Variants in BAALC observed in about 807,000 individuals in gnomAD.
The protein encoded by BAALC is BAALC binder of MAP3K1 and KLF4.
BAALC carries 9 observed loss-of-function variants against 15.5 expected under a neutral mutation model. The ratio of observed to expected loss-of-function variants is 0.58; its 90% confidence interval spans 0.35 to 1.02. The LOEUF (loss-of-function observed/expected upper bound fraction) is 1.02. Among genes scored for constraint, BAALC ranks in the 50% least tolerant of loss-of-function variants. The pLI, the probability that BAALC is intolerant of heterozygous loss-of-function variation, is 0.02. For missense variants in BAALC, 201 were observed against 192.4 expected (o/e 1.04, Z -0.27); for synonymous variants, 80 against 74.6 (o/e 1.07, Z -0.37).
intron 1 of BAALC, chr8:103,153,011 T>C (rs192488791): frequency 6.6e-6 from 1 of 152,380 alleles, no homozygotes; most frequent in East Asian, 1.9e-4. Flanking sequence ...GTGTATGATG[T>C]AGGTGTTCTG....
chr8:103,156,380 C>G (rs1159112538), intron 1 of BAALC, among the ~76,000 whole-genome samples: 2 of 152,130 alleles, frequency 1.3e-5, no homozygotes, highest in African/African-American at 4.8e-5. Context: ...AAATCATGCT[C>G]TTGAGTTGGG....
Position 103,229,926 on chromosome 8 carries a change from G to C in BAALC, c.*1827G>C, listed in dbSNP as rs1245703115. The C allele has an allele frequency of 6.6e-6, 1 of 152,160 alleles. No homozygotes were observed. The allele number at this position is 152,160 out of a possible 1,614,324, so 9.4% of individuals were successfully genotyped here. A position where few individuals can be genotyped will look rare whatever the true frequency, so the allele number is the denominator to read the frequency against. ...TCAGCAGGAGCCCCCAGCTGCCAAAGGTTGGCAGTGATCCTGCAAGTTCAA... is the reference window on the plus strand; with the variant it reads ...TCAGCAGGAGCCCCCAGCTGCCAAACGTTGGCAGTGATCCTGCAAGTTCAA... On this transcript the variant is annotated 3_prime_UTR_variant, in exon 3 of 3. Transcript: ENST00000309982.
intron 1 of BAALC, among the ~76,000 whole-genome samples, chr8:103,210,829 T>A (rs1402596721): frequency 6.6e-6 from 1 of 152,212 alleles, no homozygotes; most frequent in Non-Finnish European, 1.5e-5. Flanking sequence ...ATTTAGGGAA[T>A]ATTGCTGTCT....
intron 1 of BAALC, among the ~76,000 whole-genome samples, chr8:103,142,191 A>G (rs933408878): frequency 6.6e-6 from 1 of 152,276 alleles, no homozygotes; most frequent in African/African-American, 2.4e-5. Context: ...AAGGTTAAGA[A>G]TCTTAAATCC....
At chr8:103,196,577 G>T (rs750762944) in intron 1 of BAALC, among the ~76,000 whole-genome samples, 3 of 152,286 alleles carry the variant, frequency 2.0e-5, no homozygotes, top group Non-Finnish European at 4.4e-5. Context: ...CACCACACCT[G>T]GCCAGATTTT....
intron 1 of BAALC, chr8:103,197,985 T>G: frequency 1.8e-6 from 1 of 550,306 alleles, no homozygotes; most frequent in East Asian, 3.1e-5. Flanking sequence ...CTTTTAAACA[T>G]TGCTCAAGAA....
intron 1 of BAALC, chr8:103,172,087 T>C (rs1811508885): frequency 6.6e-6 from 1 of 152,242 alleles, no homozygotes; most frequent in Non-Finnish European, 1.5e-5. Flanking sequence ...TCCCCTAAAC[T>C]GTCTCTTTGG....
intron 1 of BAALC, among the ~76,000 whole-genome samples, chr8:103,145,060 G>A (rs932680219): frequency 4.6e-5 from 7 of 152,162 alleles, no homozygotes; most frequent in Admixed American, 4.6e-4. Flanking sequence ...CCTAAATACT[G>A]CCTTCCTGAT....
At chr8:103,192,720 G>T (rs1322212321) in intron 1 of BAALC, among the ~76,000 whole-genome samples, 1 of 152,198 alleles carries the variant, frequency 6.6e-6, no homozygotes, top group Non-Finnish European at 1.5e-5. Flanking sequence ...TCCCTTGGCT[G>T]GACTCCCTAC....
At chr8:103,176,468 GA>G (rs144959529) in intron 1 of BAALC, among the ~76,000 whole-genome samples, 19 of 147,200 alleles carry the variant, frequency 1.3e-4, no homozygotes, top group African/African-American at 3.2e-4. Context: ...AGTGCCATAA[GA>G]AAAAAAAAAG....
At position 103,156,230 on chromosome 8, in the gene BAALC, GC is replaced by G. The variant is rs368666461; in HGVS notation, c.160+15174del. On this transcript the variant is annotated intron_variant, in intron 1 of 2. Coordinates refer to ENST00000309982, the MANE Select transcript of BAALC (RefSeq NM_024812.3). ...AACATCTCTAAATAGCTCAGCACAT[GC>G]TGAACACTCAAATAATGTTTCTAGA... Among the ~76,000 whole-genome samples the G allele has an allele frequency of 1.1e-3, 172 of 152,314 alleles. 2 individuals carry two copies. The highest frequency in any genetic ancestry group is 4.1e-3 in the African/African-American group (171 of 41,560).
chr8:103,219,722 G>C (rs1812637092), intron 2 of BAALC, among the ~76,000 whole-genome samples: 1 of 152,150 alleles, frequency 6.6e-6, no homozygotes, highest in South Asian at 2.1e-4. Flanking sequence ...TCCCCTGACT[G>C]ACCTTGCATT....
chr8:103,193,990 A>G (rs1812034399), intron 1 of BAALC, among the ~76,000 whole-genome samples: 1 of 152,248 alleles, frequency 6.6e-6, no homozygotes, highest in South Asian at 2.1e-4. Context: ...AGATATGCCA[A>G]TGAAGAAAGA....
rs942946009 is a variant in BAALC at position 103,140,744 on chromosome 8, C to T, written c.-154C>T. On this transcript the variant is annotated 5_prime_UTR_variant, in exon 1 of 3. Transcript: ENST00000309982. This position sits in a 1 kb window ranked among gnomAD's most constrained non-coding sequence, Gnocchi z 4.2. ...GGGCCCGGACTAGGGGCGGCGGGCA[C>T]CGCAGGAGCTCCGCGCGGCTGCAGC... is the stretch of plus-strand genomic sequence containing the variant. 5.7e-6 allele frequency: 3 copies of T among 526,854 alleles called. No homozygotes were observed. The highest frequency in any genetic ancestry group is 2.1e-5 in the African/African-American group (1 of 48,674). The allele number at this position is 526,854 out of a possible 1,614,324, so 32.6% of individuals were successfully genotyped here. A position where few individuals can be genotyped will look rare whatever the true frequency, so the allele number is the denominator to read the frequency against.
At chr8:103,214,199 C>T (rs542028358) in intron 2 of BAALC, among the ~76,000 whole-genome samples, 2 of 152,298 alleles carry the variant, frequency 1.3e-5, no homozygotes, top group Non-Finnish European at 2.9e-5. Flanking sequence ...AAAAGGTCAC[C>T]TCTTGGGCAT....
chr8:103,207,878 T>G (rs1270588426), intron 1 of BAALC, among the ~76,000 whole-genome samples: 1 of 152,238 alleles, frequency 6.6e-6, no homozygotes, highest in East Asian at 1.9e-4. Context: ...CTAGAAAATA[T>G]GAGTTAAATA....
chr8:103,179,975 C>T (rs1811689338), intron 1 of BAALC, among the ~76,000 whole-genome samples: 1 of 152,114 alleles, frequency 6.6e-6, no homozygotes, highest in East Asian at 1.9e-4. Context: ...AGTTGTTGTT[C>T]CTGGCGCAGA....
intron 1 of BAALC, among the ~76,000 whole-genome samples, chr8:103,177,082 T>C (rs1450456280): frequency 6.6e-6 from 1 of 152,186 alleles, no homozygotes; most frequent in Non-Finnish European, 1.5e-5. Context: ...AAAGGGATAT[T>C]TCTCAAACTT....
At chr8:103,147,672 T>C (rs915422610) in intron 1 of BAALC, among the ~76,000 whole-genome samples, 1 of 152,136 alleles carries the variant, frequency 6.6e-6, no homozygotes, top group African/African-American at 2.4e-5. Context: ...CTTGTGAAGT[T>C]GGGTGTCTAA....
Sources: allele counts gnomAD v4.1 joint callset (sites outside exome capture counted in the v4.1 genomes callset), GRCh38; gene constraint gnomAD v4.1.1; non-coding constraint Gnocchi (gnomAD v3.1); transcripts MANE v1.5; gene names NCBI Gene and HGNC (gene_info 2026-07-23, HGNC 2026-07-21).